The following ACSM6 variants were observed in gnomAD, a reference collection of about 807,000 sequenced individuals.
ACSM6 encodes the protein acyl-coenzyme A synthetase ACSM6, mitochondrial.
In ACSM6, 35 loss-of-function variants were observed where a neutral mutation model predicts 51.1. The observed-to-expected ratio is 0.69, with a 90% confidence interval of 0.52 to 0.91. The LOEUF (loss-of-function observed/expected upper bound fraction) is 0.91. Ranked by LOEUF, ACSM6 falls within the 40% of genes least tolerant of loss-of-function variation. The probability of loss-of-function intolerance (pLI) is 0.00; values close to 1 mark genes in which losing one functional copy is unlikely to be tolerated. For missense variants in ACSM6, 509 were observed against 584.1 expected (o/e 0.87, Z 1.32); for synonymous variants, 172 against 207.3 (o/e 0.83, Z 1.46).
chr10:95,217,361 A>G (rs1398370504), intron 8 of ACSM6, among the ~76,000 whole-genome samples: 1 of 150,698 alleles, frequency 6.6e-6, no homozygotes, highest in Non-Finnish European at 1.5e-5. Context: ...AAAAAAAAGA[A>G]AAAGAAAAAG....
At chr10:95,200,317 A>T (rs1191718049) in intron 2 of ACSM6, among the ~76,000 whole-genome samples, 1 of 122,864 alleles carries the variant, frequency 8.1e-6, no homozygotes, top group Admixed American at 1.0e-4. Flanking sequence ...TGGACACAGG[A>T]AGGGGAACAT....
intron 10 of ACSM6, among the ~76,000 whole-genome samples, chr10:95,226,839 C>T (rs1250944408): frequency 6.6e-6 from 1 of 152,136 alleles, no homozygotes; most frequent in Non-Finnish European, 1.5e-5. Context: ...CCATTCTTAG[C>T]CACTATTAAC....
intron 3 of ACSM6, among the ~76,000 whole-genome samples, chr10:95,204,075 C>A (rs769807601): frequency 6.6e-6 from 1 of 152,100 alleles, no homozygotes; most frequent in Non-Finnish European, 1.5e-5. Flanking sequence ...GGGACCACTT[C>A]AGTCTGGGTC....
chr10:95,197,738 C>T (rs2034748103), intron 2 of ACSM6, among the ~76,000 whole-genome samples: 1 of 152,224 alleles, frequency 6.6e-6, no homozygotes. Context: ...AAGAGGCTTT[C>T]CTCTTTTACT....
intron 5 of ACSM6, among the ~76,000 whole-genome samples, chr10:95,211,307 G>A (rs2034890835): frequency 6.6e-6 from 1 of 152,172 alleles, no homozygotes; most frequent in Non-Finnish European, 1.5e-5. Context: ...AATCTCTTTG[G>A]TTGAACATGC....
chr10:95,201,713 T>C (rs2034795420), intron 2 of ACSM6: 1 of 540,440 alleles, frequency 1.9e-6, no homozygotes, highest in Non-Finnish European at 3.4e-6. Context: ...TCTGCCATCC[T>C]GGGCAGGGCT....
chr10:95,226,328 G>A (rs2035039044), intron 10 of ACSM6: 1 of 152,118 alleles, frequency 6.6e-6, no homozygotes, highest in Non-Finnish European at 1.5e-5. Context: ...CAACACTTTG[G>A]GAAGCTAAGA....
chr10:95,211,216 C>T (rs1409130390), intron 5 of ACSM6, among the ~76,000 whole-genome samples: 1 of 152,198 alleles, frequency 6.6e-6, no homozygotes, highest in Non-Finnish European at 1.5e-5. Context: ...CATGTCATCA[C>T]ACCACCCCTT....
Position 95,219,978 on chromosome 10 carries a change from G to A in ACSM6, c.1200+7G>A. On this transcript the variant is annotated splice_region_variant and intron_variant, in intron 9 of 10. Coordinates refer to ENST00000341686, the Ensembl canonical transcript of ACSM6. ...GCCACCTTATATTGTCCAGGTAGGA[G>A]ATCATAGTAATGATTATGACAGATA... 6.3e-7 allele frequency: 1 copy of A among 1,592,278 alleles called. No individual in the cohort carries two copies. The highest frequency in any genetic ancestry group is 2.2e-5 in the East Asian group (1 of 44,740).
intron 9 of ACSM6, 62 bp from the exon 10 acceptor site, chr10:95,225,228 T>C: frequency 2.6e-6 from 3 of 1,163,346 alleles, no homozygotes; most frequent in Non-Finnish European, 3.8e-6. Context: ...GATCTTGTGG[T>C]GTTTTAGGAA....
In ACSM6 at chr10:95,211,131, A is replaced by G. The variant is rs190255831; in HGVS notation, c.755+338A>G. Among the ~76,000 whole-genome samples, 14 of 152,322 alleles carry G rather than the reference A, an allele frequency of 9.2e-5. No individual in the cohort carries two copies. The East Asian group carries it at 1.9e-3, about 21-fold the overall frequency. On this transcript the variant is annotated intron_variant, in intron 5 of 10. Coordinates refer to ENST00000341686, the Ensembl canonical transcript of ACSM6. ...AACAATTGTGTTGACCACTATATGT[A>G]GTGATAAACACAGAGGTAGAGTCAT...
At chr10:95,204,418 A>T (rs2034823027) in intron 3 of ACSM6, among the ~76,000 whole-genome samples, 1 of 152,162 alleles carries the variant, frequency 6.6e-6, no homozygotes, top group Admixed American at 6.5e-5. Flanking sequence ...GCCAGACGTG[A>T]TGGTGGGCAC....
intron 3 of ACSM6, among the ~76,000 whole-genome samples, chr10:95,206,136 A>T (rs1211125111): frequency 1.3e-5 from 2 of 152,220 alleles, no homozygotes; most frequent in African/African-American, 4.8e-5. Context: ...CCCCAAAAAG[A>T]AACCCATTAG....
rs1308595263 is a variant in ACSM6, at chr10:95,211,945, T to C, written c.823T>C (p.Ser275Pro). 4.7e-5 allele frequency: 76 copies of C among 1,613,904 alleles called. No individual in the cohort carries two copies. Among genetic ancestry groups the C allele is most frequent in the Non-Finnish European group, 6.4e-5 (75 of 1,179,962 alleles). Residue 275 changes from serine (S) to proline (P), a missense_variant, in exon 6 of 11, where the codon TCC (serine) becomes CCC (proline). By Grantham distance (74) the Ser-to-Pro change is moderately conservative (BLOSUM62 -1). Transcript: ENST00000341686. ...GGGTGATGCCTTTGGTGGATCTTTA[T>C]CCCTGAGCGCTGTCTTGGGAACTTG...
At chr10:95,228,813 G>A (rs1386236554) in exon 11 of ACSM6, 3 of 1,542,446 alleles carry the variant, frequency 1.9e-6, no homozygotes, top group East Asian at 2.5e-5. Context: ...TTGAGCCTGG[G>A]GCTGTGGGAG....
chr10:95,210,656 C>G, exon 5 of ACSM6: 4 of 1,612,784 alleles, frequency 2.5e-6, no homozygotes, highest in Non-Finnish European at 3.4e-6. Flanking sequence ...ACAGAGTTGC[C>G]CCTCCAAAGC....
intron 8 of ACSM6, among the ~76,000 whole-genome samples, chr10:95,216,399 G>C (rs2034944733): frequency 6.6e-6 from 1 of 152,128 alleles, no homozygotes; most frequent in African/African-American, 2.4e-5. Context: ...TGGAGATCAG[G>C]ATCAAGGAAG....
intron 7 of ACSM6, 100 bp downstream of exon 7, chr10:95,213,040 C>A: frequency 1.1e-6 from 1 of 937,154 alleles, no homozygotes; most frequent in Non-Finnish European, 1.7e-6. Context: ...ATCTTACCCT[C>A]CGGTAACACA....
At chr10:95,215,773 A>G (rs2034938225) in intron 8 of ACSM6, among the ~76,000 whole-genome samples, 1 of 152,232 alleles carries the variant, frequency 6.6e-6, no homozygotes, top group Non-Finnish European at 1.5e-5. Flanking sequence ...ACAGTTCTAG[A>G]GGCTGGAAGT....
Sources: gnomAD v4.1 joint callset for allele counts (sites outside exome capture counted in the v4.1 genomes callset) on GRCh38, gnomAD v4.1.1 for gene constraint, MANE v1.5 for transcripts, NCBI Gene and HGNC (gene_info 2026-07-23, HGNC 2026-07-21) for gene names.